Variants in CHD7 observed in about 807,000 individuals in gnomAD.
CHD7 encodes the protein chromodomain helicase DNA binding protein 7.
Under a neutral mutation model 307.3 loss-of-function variants are expected in CHD7, and 24 were observed. The observed-to-expected ratio is 0.08, with a 90% confidence interval of 0.06 to 0.11. The LOEUF (loss-of-function observed/expected upper bound fraction) is 0.11, where lower values mean the gene tolerates loss of function less well. CHD7 is among the 10% of genes least tolerant of loss of function. The pLI, the probability that CHD7 is intolerant of heterozygous loss-of-function variation, is 1.00. For missense variants in CHD7, 3,106 were observed against 3,727.1 expected, an observed-to-expected ratio of 0.83 and a Z score of 4.34; for synonymous variants, 1,363 against 1,349.9, an observed-to-expected ratio of 1.01 and a Z score of -0.21.
rs749781761 is a variant in CHD7, at chr8:60,742,856, T to C, written c.1424T>C (p.Met475Thr). Residue 475 changes from methionine (M) to threonine (T), a missense_variant, in exon 2 of 38, where the codon ATG (methionine) becomes ACG (threonine). Around this residue, in one of 10 missense-constraint regions of CHD7, gnomAD observed 998 missense variants for 1,004.5 expected, o/e 0.99. Coordinates refer to ENST00000423902, the MANE Select transcript of CHD7 (RefSeq NM_017780.4). ...SSAPRELTGH[M>T]RPNGCPGVGL... ...GCACCAAGGGAATTGACTGGGCACA[T>C]GAGGCCAAATGGTTGTCCTGGTGTT... is the stretch of plus-strand genomic sequence containing the variant. 126 of 1,612,618 alleles carry C rather than the reference T, an allele frequency of 7.8e-5. No individual in the cohort carries two copies. The highest frequency in any genetic ancestry group is 9.8e-5 in the Non-Finnish European group (115 of 1,179,244).
intron 1 of CHD7, among the ~76,000 whole-genome samples, chr8:60,705,861 A>G (rs1806999962): frequency 6.6e-6 from 1 of 152,264 alleles, no homozygotes; most frequent in Admixed American, 6.5e-5. Context: ...AATAAGTCAC[A>G]TTTATACTGT....
chr8:60,830,274 C>G (rs747460499), intron 14 of CHD7, 48 bp from the exon 15 acceptor site: 5 of 1,560,152 alleles, frequency 3.2e-6, no homozygotes, highest in Non-Finnish European at 4.3e-6. Flanking sequence ...TATGTTTTAA[C>G]TTGCAAGCAA....
At chr8:60,707,771 T>G (rs1015374268) in intron 1 of CHD7, among the ~76,000 whole-genome samples, 8 of 152,220 alleles carry the variant, frequency 5.3e-5, no homozygotes, top group African/African-American at 1.9e-4. Flanking sequence ...GGGAAACTAT[T>G]TGAGATGACT....
chr8:60,770,572 A>G (rs1046166286), intron 2 of CHD7, among the ~76,000 whole-genome samples: 2 of 152,192 alleles, frequency 1.3e-5, no homozygotes, highest in African/African-American at 2.4e-5. Context: ...TATGCAGCAA[A>G]CTTTCTTTCC....
At chr8:60,847,107 T>C (rs1445588035) in intron 23 of CHD7, among the ~76,000 whole-genome samples, 1 of 152,094 alleles carries the variant, frequency 6.6e-6, no homozygotes, top group Admixed American at 6.5e-5. Flanking sequence ...TCTAAAGAAA[T>C]AGAAATGAGT....
At position 60,712,874 on chromosome 8, in the gene CHD7, A is replaced by C. The variant is rs139513620; in HGVS notation, c.-174-28385A>C. On this transcript the variant is annotated intron_variant, in intron 1 of 37. Transcript: ENST00000423902. Reference sequence around the variant, plus strand: ...AGACCAGCCTGGCTAATATGGTGAAACTCCTTCTCCACTAAAAATACAAAA... The same window carrying C: ...AGACCAGCCTGGCTAATATGGTGAACCTCCTTCTCCACTAAAAATACAAAA... Among the ~76,000 whole-genome samples the C allele has an allele frequency of 2.0e-4, 30 of 151,758 alleles. No individual in the cohort carries two copies. The East Asian group carries it at 5.9e-3, about 30-fold the overall frequency.
chr8:60,780,959 A>C (rs754371304), intron 2 of CHD7, 41 bp from the exon 3 acceptor site: 3 of 1,472,900 alleles, frequency 2.0e-6, no homozygotes, highest in Non-Finnish European at 2.7e-6. Context: ...TTTACTGTGA[A>C]GAATGATAAA....
At chr8:60,743,437 T>G (rs1285526003) in intron 2 of CHD7, among the ~76,000 whole-genome samples, 2 of 152,202 alleles carry the variant, frequency 1.3e-5, no homozygotes, top group African/African-American at 4.8e-5. Flanking sequence ...TTCTCTTTCT[T>G]TGTGTGTGTG....
intron 1 of CHD7, among the ~76,000 whole-genome samples, chr8:60,707,822 A>C (rs772174855): frequency 6.6e-6 from 1 of 152,236 alleles, no homozygotes; most frequent in African/African-American, 2.4e-5. Flanking sequence ...CCATTTCACT[A>C]TAAGTATATG....
intron 13 of CHD7, among the ~76,000 whole-genome samples, chr8:60,826,067 T>C (rs1409741448): frequency 1.3e-5 from 2 of 152,220 alleles, no homozygotes; most frequent in Non-Finnish European, 2.9e-5. Flanking sequence ...TAGAATCTGT[T>C]ATCCAAATAA....
intron 1 of CHD7, among the ~76,000 whole-genome samples, chr8:60,725,965 T>G (rs1168271424): frequency 6.6e-6 from 1 of 152,158 alleles, no homozygotes; most frequent in Non-Finnish European, 1.5e-5. Flanking sequence ...AACAAGCAAA[T>G]GTGTTCTGAG....
At chr8:60,837,644 C>T in intron 17 of CHD7, 24 bp from the exon 18 acceptor site, 1 of 1,520,592 alleles carries the variant, frequency 6.6e-7, no homozygotes, top group Non-Finnish European at 8.9e-7. Flanking sequence ...ATTGCAGTAA[C>T]TATTAATTTC....
chr8:60,789,890 A>G (rs992149247), intron 3 of CHD7, among the ~76,000 whole-genome samples: 1 of 152,260 alleles, frequency 6.6e-6, no homozygotes, highest in African/African-American at 2.4e-5. Flanking sequence ...CTCTGAATAT[A>G]AAGTTTGTGT....
intron 1 of CHD7, among the ~76,000 whole-genome samples, chr8:60,710,183 A>T (rs1563533762): frequency 6.6e-6 from 1 of 152,136 alleles, no homozygotes; most frequent in Non-Finnish European, 1.5e-5. Flanking sequence ...TAGATTTCAA[A>T]ATACACGCTC....
intron 15 of CHD7, among the ~76,000 whole-genome samples, chr8:60,835,733 A>G (rs1470522784): frequency 2.0e-5 from 3 of 152,210 alleles, no homozygotes; most frequent in African/African-American, 7.2e-5. Flanking sequence ...TTAGGTTCCA[A>G]ATTTTCTGTA....
chr8:60,739,695 T>G (rs145044653), intron 1 of CHD7, among the ~76,000 whole-genome samples: 1 of 152,202 alleles, frequency 6.6e-6, no homozygotes, highest in Admixed American at 6.5e-5. Flanking sequence ...ACAGGAATGT[T>G]GTTTACATTT....
Position 60,743,027 on chromosome 8 carries a change from C to G in CHD7, c.1595C>G (p.Pro532Arg), listed in dbSNP as rs1162813452. ...GLHHQSSPPH[P>R]HHQPWAQLHP... ...CACCACCAGTCTTCACCTCCACACC[C>G]TCATCACCAGCCTTGGGCACAGCTC... is the stretch of plus-strand genomic sequence containing the variant. The change falls in exon 2 of 38, where the codon CCT becomes CGT. Residue 532 changes from proline (P) to arginine (R), a missense_variant. Transcript: ENST00000423902. 6.2e-7 allele frequency: 1 copy of G among 1,613,958 alleles called. No individual in the cohort carries two copies. Among genetic ancestry groups the G allele is most frequent in the Non-Finnish European group, 8.5e-7 (1 of 1,179,874 alleles).
chr8:60,832,587 A>G (rs1232015111), intron 15 of CHD7, among the ~76,000 whole-genome samples: 1 of 152,206 alleles, frequency 6.6e-6, no homozygotes, highest in Non-Finnish European at 1.5e-5. Context: ...GAAAATAAAT[A>G]ATAGCCTCCA....
intron 19 of CHD7, 100 bp downstream of exon 19, chr8:60,838,355 A>C: frequency 2.0e-6 from 2 of 1,019,088 alleles, no homozygotes; most frequent in Non-Finnish European, 2.9e-6. Flanking sequence ...ATTGGGAATT[A>C]ATCAAATTAA....
Sources: gnomAD v4.1 joint callset for allele counts (sites outside exome capture counted in the v4.1 genomes callset) on GRCh38, gnomAD v4.1.1 for gene constraint, gnomAD v4.1.1 regional missense constraint, MANE v1.5 for transcripts, NCBI Gene and HGNC (gene_info 2026-07-23, HGNC 2026-07-21) for gene names.